The following CLIP1 variants were observed in gnomAD, a reference collection of about 807,000 sequenced individuals.
CLIP1 encodes CAP-Gly domain containing linker protein 1.
In CLIP1, 66 loss-of-function variants were observed where a neutral mutation model predicts 161.6. The observed-to-expected ratio is 0.41, with a 90% CI of 0.33 to 0.50. CLIP1 has a LOEUF of 0.50. Ranked by LOEUF, CLIP1 falls within the 20% of genes least tolerant of loss-of-function variation. The pLI is 0.27. For synonymous variants in CLIP1, 598 were observed against 626.2 expected (o/e 0.96, Z 0.67); for missense variants, 1,376 against 1,702.0 (o/e 0.81, Z 3.37).
rs141456958 is a variant in CLIP1, at chr12:122,292,592, G to C, written c.3595-4051C>G. Among the ~76,000 whole-genome samples the C allele has an allele frequency of 9.2e-4, 140 of 152,276 alleles. 3 individuals carry two copies. The East Asian group carries it at 0.025, about 27-fold the overall frequency. On this transcript the variant is annotated intron_variant, in intron 20 of 25. Transcript: ENST00000620786. Reference sequence around the variant, plus strand: ...TGACTCCTTTAGTGAAGAGTATTTAGAAAACAAGCTCTAGGCATTAGTTGT... The same window carrying C: ...TGACTCCTTTAGTGAAGAGTATTTACAAAACAAGCTCTAGGCATTAGTTGT...
chr12:122,315,428 T>C (rs1245020203), intron 19 of CLIP1, among the ~76,000 whole-genome samples: 5 of 152,150 alleles, frequency 3.3e-5, no homozygotes, highest in Admixed American at 1.3e-4. Context: ...AAATGAAATC[T>C]ACACCGTAAC....
At chr12:122,394,662 C>T (rs1266857532) in intron 1 of CLIP1, among the ~76,000 whole-genome samples, 5 of 151,536 alleles carry the variant, frequency 3.3e-5, no homozygotes, top group African/African-American at 9.7e-5. Context: ...CCGAGGTGGA[C>T]GGATCACGAG....
chr12:122,351,157 AAT>A lies in CLIP1; in HGVS notation c.1369-16_1369-15del. ...CTGGCTCTTTTGCTATCAGTAAAAA[AAT>A]AAAAAAAATTAAACAACAACAAAAA... On this transcript the variant is annotated splice_polypyrimidine_tract_variant and intron_variant, in intron 8 of 25. Transcript: ENST00000620786. The A allele has an allele frequency of 6.9e-7, 1 of 1,458,674 alleles. No homozygotes were observed. Among genetic ancestry groups the A allele is most frequent in the South Asian group, 1.4e-5 (1 of 73,598 alleles). The allele number at this position is 1,458,674 out of a possible 1,614,324, so 90.4% of individuals were successfully genotyped here.
chr12:122,354,886 G>C, intron 6 of CLIP1: 5 of 589,562 alleles, frequency 8.5e-6, no homozygotes, highest in Non-Finnish European at 1.5e-5. Flanking sequence ...CAAAAGACCC[G>C]GACACAAAGA....
At chr12:122,315,338 T>G (rs1011732715) in intron 19 of CLIP1, among the ~76,000 whole-genome samples, 6 of 152,198 alleles carry the variant, frequency 3.9e-5, no homozygotes, top group African/African-American at 1.4e-4. Flanking sequence ...AAAGACACAC[T>G]CCAATGTTCA....
In CLIP1 at chr12:122,333,056, A is replaced by G; in HGVS notation, c.2798T>C (p.Ile933Thr). Reference sequence around the variant, plus strand: ...AGAGTTATCTCCTGACATCTTCATTATTTCTGCAATGTCATTTTCCAGTTT... The same window carrying G: ...AGAGTTATCTCCTGACATCTTCATTGTTTCTGCAATGTCATTTTCCAGTTT... Reference protein sequence around the residue: ...KEKLENDIAEIMKMSGDNSSQ... With the variant: ...KEKLENDIAETMKMSGDNSSQ... Residue 933 changes from isoleucine (I) to threonine (T), a missense_variant, in exon 15 of 26, where the codon ATA (isoleucine) becomes ACA (threonine). Ile to Thr is a moderately conservative substitution (Grantham distance 89). Transcript: ENST00000620786. The G allele has an allele frequency of 1.2e-6, 2 of 1,613,544 alleles. No individual in the cohort carries two copies. Among genetic ancestry groups the G allele is most frequent in the South Asian group, 1.1e-5 (1 of 91,022 alleles).
chr12:122,386,938 T>C (rs889698264), intron 1 of CLIP1, among the ~76,000 whole-genome samples: 3 of 152,166 alleles, frequency 2.0e-5, no homozygotes, highest in Middle Eastern at 3.2e-3. Flanking sequence ...TTGCTCAAGC[T>C]GGAGTGCAGT....
intron 1 of CLIP1, among the ~76,000 whole-genome samples, chr12:122,386,300 A>G (rs1273375408): frequency 6.6e-6 from 1 of 152,164 alleles, no homozygotes; most frequent in Non-Finnish European, 1.5e-5. Context: ...AGAAAAGAAA[A>G]AAAGAAAATA....
intron 12 of CLIP1, among the ~76,000 whole-genome samples, chr12:122,335,441 A>G (rs1022587176): frequency 6.2e-5 from 9 of 145,678 alleles, no homozygotes; most frequent in East Asian, 2.0e-4. Context: ...ACTTAGGGGG[A>G]AAAAAAAAAA....
At chr12:122,389,383 G>T (rs1955481100) in intron 1 of CLIP1, among the ~76,000 whole-genome samples, 1 of 152,168 alleles carries the variant, frequency 6.6e-6, no homozygotes, top group African/African-American at 2.4e-5. Flanking sequence ...ACCAGCTGAG[G>T]TATATCCAAT....
Position 122,340,820 on chromosome 12 carries a change from T to C in CLIP1, c.2384A>G (p.Gln795Arg). ...EGKSEMKKLR[Q>R]QLEAAEKQIK... ...CTGTTTCTCAGCTGCCTCAAGCTGC[T>C]GTCTAAGTTTCTTCATTTCCGATTT... The change falls in exon 11 of 26, where the codon CAG becomes CGG. Residue 795 changes from glutamine (Q) to arginine (R), a missense_variant. Physicochemically the swap from Gln to Arg is conservative, Grantham distance 43 (BLOSUM62 1). Around this residue, in one of 6 missense-constraint regions of CLIP1, gnomAD observed 948 missense variants for 1,134.8 expected, o/e 0.84. Coordinates refer to ENST00000620786, the MANE Select transcript of CLIP1 (RefSeq NM_001247997.2). 1 of 1,612,784 alleles carries C rather than the reference T, an allele frequency of 6.2e-7. No individual in the cohort carries two copies. Among genetic ancestry groups the C allele is most frequent in the Non-Finnish European group, 8.5e-7 (1 of 1,179,590 alleles).
chr12:122,328,470 T>A, intron 15 of CLIP1, 44 bp from the exon 16 acceptor site: 2 of 1,249,058 alleles, frequency 1.6e-6, no homozygotes, highest in South Asian at 1.8e-5. Flanking sequence ...TTCATAAGAA[T>A]GTTTTAAATT....
At chr12:122,350,844 AT>A (rs1206243983) in intron 9 of CLIP1, among the ~76,000 whole-genome samples, 1 of 151,750 alleles carries the variant, frequency 6.6e-6, no homozygotes, top group African/African-American at 2.4e-5. Context: ...GACAAAAAAC[AT>A]TTTTCCCCCC....
chr12:122,314,368 G>A (rs1469386422), intron 19 of CLIP1, among the ~76,000 whole-genome samples: 2 of 151,996 alleles, frequency 1.3e-5, no homozygotes, highest in Non-Finnish European at 1.5e-5. Context: ...CTACTTGGGA[G>A]GTTGAGGCAC....
At chr12:122,390,554 C>T (rs1189821073) in intron 1 of CLIP1, among the ~76,000 whole-genome samples, 7 of 151,418 alleles carry the variant, frequency 4.6e-5, no homozygotes, top group African/African-American at 1.5e-4. Flanking sequence ...TCAAGTGATC[C>T]GCCCACCTCG....
intron 1 of CLIP1, among the ~76,000 whole-genome samples, chr12:122,409,868 A>ATTT (rs1445419222): frequency 8.1e-6 from 1 of 123,460 alleles, no homozygotes; most frequent in African/African-American, 2.6e-5. Context: ...AGTGTTTGTT[A>ATTT]TTTTTATTTT....
chr12:122,405,213 G>A (rs966263127), intron 1 of CLIP1, among the ~76,000 whole-genome samples: 2 of 151,768 alleles, frequency 1.3e-5, no homozygotes, highest in African/African-American at 4.9e-5. Context: ...CCCATGAGAC[G>A]TTCTGTCACT....
chr12:122,352,747 T>C lies in CLIP1; in HGVS notation c.1347A>G (p.Ser449=), dbSNP rs1953103267. 1 of 1,613,976 alleles carries C rather than the reference T, an allele frequency of 6.2e-7. No homozygotes were observed. The highest frequency in any genetic ancestry group is 8.5e-7 in the Non-Finnish European group (1 of 1,180,004). The change falls in exon 8 of 26, where the codon TCA becomes TCG. Residue 449 remains serine (S), a synonymous_variant. Transcript: ENST00000620786. The part of the protein sequence containing the change: ...EDLQFRVEEE[S]ITKGDLEQKS... ...TTACCTCAAGATCACCTTTGGTAAT[T>C]GATTCTTCTTCAACCCGGAACTGAA...
Position 122,334,055 on chromosome 12 carries a change from G to C in CLIP1, c.2682C>G (p.Asp894Glu), listed in dbSNP as rs1952105756. 5.0e-6 allele frequency: 8 copies of C among 1,612,912 alleles called. No individual in the cohort carries two copies. Among genetic ancestry groups the C allele is most frequent in the Non-Finnish European group, 6.8e-6 (8 of 1,178,926 alleles). The change falls in exon 14 of 26, where the codon GAC becomes GAG. Residue 894 changes from aspartate (D) to glutamate (E), a missense_variant. Around this residue, in one of 6 missense-constraint regions of CLIP1, gnomAD observed 948 missense variants for 1,134.8 expected, o/e 0.84. Transcript: ENST00000620786. ...KEEQFNMLSS[D>E]LEKLRENLAD... Reference sequence around the variant, plus strand: ...CTAAGTTTTCTCTCAGCTTCTCCAAGTCAGAAGACAGCATGTTAAACTGTT... The same window carrying C: ...CTAAGTTTTCTCTCAGCTTCTCCAACTCAGAAGACAGCATGTTAAACTGTT...
Sources: allele counts gnomAD v4.1 joint callset (sites outside exome capture counted in the v4.1 genomes callset), GRCh38; gene constraint gnomAD v4.1.1; regional missense constraint gnomAD v4.1.1; transcripts MANE v1.5; gene names NCBI Gene and HGNC (gene_info 2026-07-23, HGNC 2026-07-21).